The following SLC13A1 variants were observed in gnomAD, a reference collection of about 807,000 sequenced individuals.
SLC13A1 encodes the protein Na(+)/sulfate cotransporter.
Under a neutral mutation model 70.0 loss-of-function variants are expected in SLC13A1, and 65 were observed. The observed-to-expected ratio is 0.93, with a 90% confidence interval of 0.76 to 1.14. The LOEUF is 1.14. SLC13A1 is among the 50% of genes most tolerant of loss of function. The pLI is 0.00. For synonymous variants in SLC13A1, 275 were observed against 250.5 expected (o/e 1.10, Z -0.92); for missense variants, 726 against 717.8 (o/e 1.01, Z -0.13).
intron 1 of SLC13A1, among the ~76,000 whole-genome samples, chr7:123,196,446 G>T (rs1282324957): frequency 6.6e-6 from 1 of 152,014 alleles, no homozygotes; most frequent in Non-Finnish European, 1.5e-5. Context: ...AACATCATTG[G>T]CTCTAGAGTC....
intron 1 of SLC13A1, among the ~76,000 whole-genome samples, chr7:123,194,345 G>A (rs551562635): frequency 6.6e-6 from 1 of 152,064 alleles, no homozygotes; most frequent in Non-Finnish European, 1.5e-5. Flanking sequence ...TCTAGAAACT[G>A]CAAATAGTGA....
rs1212005453 is a variant in SLC13A1 at position 123,114,961 on chromosome 7, ATAATC to A, written c.*552_*556del. On this transcript the variant is annotated 3_prime_UTR_variant, in exon 15 of 15. Transcript: ENST00000194130. ...TTCATATTACATGTATATATTAAGA[ATAATC>A]CAATTGGATTTTTTAAATGAGGAAA... is the stretch of plus-strand genomic sequence containing the variant. The A allele has an allele frequency of 1.3e-5, 2 of 152,232 alleles. No homozygotes were observed. The highest frequency in any genetic ancestry group is 4.8e-5 in the African/African-American group (2 of 41,450). The allele number at this position is 152,232 out of a possible 1,614,324, so 9.4% of individuals were successfully genotyped here.
In SLC13A1 at chr7:123,142,638, C is replaced by CTTTTTTTTTT. The variant is rs753775300; in HGVS notation, c.812+4511_812+4520dup. On this transcript the variant is annotated intron_variant, in intron 7 of 14. Transcript: ENST00000194130. The stretch of plus-strand genomic sequence containing the variant: ...TGAGTCTTGCTTTCAGGGGCAAGAA[C>CTTTTTTTTTT]TTTTTTTTTTTTTTTTTGATGGAGG... 1.9e-4 allele frequency among the ~76,000 whole-genome samples: 23 copies of CTTTTTTTTTT among 118,786 alleles called. 1 individual carries two copies. The highest frequency in any genetic ancestry group is 3.7e-4 in the African/African-American group (11 of 29,932). 77.9% of individuals were successfully genotyped at this position (118,786 alleles called of 152,430 possible).
At chr7:123,135,629 G>T (rs892967727) in intron 7 of SLC13A1, among the ~76,000 whole-genome samples, 3 of 151,954 alleles carry the variant, frequency 2.0e-5, no homozygotes, top group African/African-American at 7.2e-5. Context: ...AATATTTCAT[G>T]TTATATCTAT....
rs753775300 is a variant in SLC13A1 at position 123,142,638 on chromosome 7, CT to C, written c.812+4520del. On this transcript the variant is annotated intron_variant, in intron 7 of 14. Coordinates refer to ENST00000194130, the MANE Select transcript of SLC13A1 (RefSeq NM_022444.4). ...TGAGTCTTGCTTTCAGGGGCAAGAA[CT>C]TTTTTTTTTTTTTTTTGATGGAGGC... 5.6e-3 allele frequency among the ~76,000 whole-genome samples: 662 copies of C among 118,756 alleles called. 10 individuals carry two copies. The highest frequency in any genetic ancestry group is 0.014 in the African/African-American group (418 of 29,934). 77.9% of individuals were successfully genotyped at this position (118,756 alleles called of 152,430 possible).
intron 2 of SLC13A1, among the ~76,000 whole-genome samples, chr7:123,177,431 GTT>G (rs1433012026): frequency 6.6e-6 from 1 of 151,954 alleles, no homozygotes; most frequent in Non-Finnish European, 1.5e-5. Flanking sequence ...TAAAATCAAA[GTT>G]AGGTTGATCA....
At chr7:123,188,214 C>A (rs909603893) in intron 1 of SLC13A1, among the ~76,000 whole-genome samples, 4 of 152,164 alleles carry the variant, frequency 2.6e-5, no homozygotes, top group Non-Finnish European at 5.9e-5. Flanking sequence ...TGGCACTTCT[C>A]CTTCCTGCTG....
intron 2 of SLC13A1, among the ~76,000 whole-genome samples, chr7:123,177,163 A>G (rs762820006): frequency 3.9e-5 from 6 of 152,096 alleles, no homozygotes; most frequent in Non-Finnish European, 5.9e-5. Context: ...TCCCATTTCA[A>G]TTGATAGCAA....
chr7:123,157,146 G>T (rs1794738993), intron 6 of SLC13A1, among the ~76,000 whole-genome samples: 1 of 152,018 alleles, frequency 6.6e-6, no homozygotes, highest in African/African-American at 2.4e-5. Flanking sequence ...TTGAATGAAA[G>T]TACTAGATAA....
chr7:123,134,300 A>C, intron 8 of SLC13A1, 110 bp downstream of exon 8: 1 of 983,454 alleles, frequency 1.0e-6, no homozygotes, highest in Non-Finnish European at 1.5e-6. Context: ...AGCAACAAAA[A>C]TGCAGAAAGG....
At chr7:123,141,653 G>C (rs997175402) in intron 7 of SLC13A1, among the ~76,000 whole-genome samples, 1 of 151,868 alleles carries the variant, frequency 6.6e-6, no homozygotes, top group African/African-American at 2.4e-5. Context: ...CCTCTTGCTG[G>C]ATTGACTTCT....
intron 1 of SLC13A1, among the ~76,000 whole-genome samples, chr7:123,194,033 A>C (rs1796088435): frequency 6.6e-6 from 1 of 152,156 alleles, no homozygotes; most frequent in African/African-American, 2.4e-5. Flanking sequence ...CACAGTTATT[A>C]ACTATCTACT....
At chr7:123,177,661 A>G (rs902475068) in intron 2 of SLC13A1, among the ~76,000 whole-genome samples, 4 of 152,070 alleles carry the variant, frequency 2.6e-5, no homozygotes, top group Non-Finnish European at 5.9e-5. Context: ...TGCAATAGTC[A>G]TGCTCCAAAT....
At chr7:123,186,534 C>T (rs1795807125) in intron 1 of SLC13A1, among the ~76,000 whole-genome samples, 1 of 152,122 alleles carries the variant, frequency 6.6e-6, no homozygotes, top group African/African-American at 2.4e-5. Flanking sequence ...CCTTAACAGA[C>T]CTCCTACTCC....
chr7:123,188,834 G>T (rs550699708), intron 1 of SLC13A1, among the ~76,000 whole-genome samples: 11 of 151,632 alleles, frequency 7.3e-5, no homozygotes, highest in Admixed American at 7.2e-4. Flanking sequence ...AAAATCTTTC[G>T]GCCGGGTGCG....
At chr7:123,157,422 C>A (rs370767040) in intron 6 of SLC13A1, among the ~76,000 whole-genome samples, 1 of 151,988 alleles carries the variant, frequency 6.6e-6, no homozygotes, top group East Asian at 1.9e-4. Context: ...TAAAATGTAG[C>A]ATTAAGGACA....
At chr7:123,167,022 A>T (rs1276428008) in intron 6 of SLC13A1, among the ~76,000 whole-genome samples, 1 of 151,640 alleles carries the variant, frequency 6.6e-6, no homozygotes, top group Non-Finnish European at 1.5e-5. Context: ...TAGAATGGCG[A>T]TCATTAAAAA....
intron 11 of SLC13A1, 119 bp downstream of exon 11, chr7:123,125,450 G>T: frequency 1.4e-6 from 1 of 692,038 alleles, no homozygotes; most frequent in Non-Finnish European, 2.5e-6. Context: ...GGGCATGCTA[G>T]GCCAGGGATT....
intron 6 of SLC13A1, among the ~76,000 whole-genome samples, chr7:123,162,033 T>A (rs1794929884): frequency 6.6e-6 from 1 of 151,980 alleles, no homozygotes; most frequent in Non-Finnish European, 1.5e-5. Flanking sequence ...TTTCTTTTTT[T>A]TTTTTTTTTA....
Sources: gnomAD v4.1 joint callset for allele counts (sites outside exome capture counted in the v4.1 genomes callset) on GRCh38, gnomAD v4.1.1 for gene constraint, MANE v1.5 for transcripts, NCBI Gene and HGNC (gene_info 2026-07-23, HGNC 2026-07-21) for gene names.